The following FBXL7 variants were observed in gnomAD, a reference collection of about 807,000 sequenced individuals.
The protein encoded by FBXL7 is F-box and leucine rich repeat protein 7.
A neutral mutation model predicts 38.3 loss-of-function variants in FBXL7; 12 were observed. The ratio of observed to expected loss-of-function variants is 0.31; its 90% CI spans 0.20 to 0.51. The LOEUF is 0.51. FBXL7 is among the 20% of genes least tolerant of loss of function. The probability of loss-of-function intolerance (pLI) is 0.98; values close to 1 mark genes in which losing one functional copy is unlikely to be tolerated. For synonymous variants in FBXL7, 297 were observed against 300.9 expected, an observed-to-expected ratio of 0.99 and a Z score of 0.13; for missense variants, 567 against 676.4, an observed-to-expected ratio of 0.84 and a Z score of 1.79.
At chr5:15,595,726 A>G (rs181072815) in intron 1 of FBXL7, among the ~76,000 whole-genome samples, 289 of 152,316 alleles carry the variant, frequency 1.9e-3, no homozygotes, top group Non-Finnish European at 3.2e-3. Flanking sequence ...GCAAATGAAT[A>G]GTAGCAAAAA....
At chr5:15,541,480 T>TATATATAA in intron 1 of FBXL7, among the ~76,000 whole-genome samples, 1 of 127,640 alleles carries the variant, frequency 7.8e-6, no homozygotes, top group Non-Finnish European at 1.6e-5. Context: ...TATATATATA[T>TATATATAA]AAAGGTATAG....
chr5:15,557,690 T>C (rs1738288407), intron 1 of FBXL7, among the ~76,000 whole-genome samples: 1 of 152,172 alleles, frequency 6.6e-6, no homozygotes, highest in Non-Finnish European at 1.5e-5. Context: ...CAGAGAGCCT[T>C]GTATTTCAGC....
intron 2 of FBXL7, among the ~76,000 whole-genome samples, chr5:15,794,804 TGTTTGCAACCTAATAATAA>T (rs1737372630): frequency 6.6e-6 from 1 of 152,206 alleles, no homozygotes; most frequent in African/African-American, 2.4e-5. Context: ...AAAAAGCTAT[TGTTTGCAACCTAATAATAA>T]TGTAAGAGGG....
At chr5:15,774,331 G>T (rs970154444) in intron 2 of FBXL7, among the ~76,000 whole-genome samples, 1 of 151,904 alleles carries the variant, frequency 6.6e-6, no homozygotes, top group African/African-American at 2.4e-5. Context: ...CTCTTAACTT[G>T]ATCTACACGT....
chr5:15,767,147 T>TG (rs1231645932), intron 2 of FBXL7, among the ~76,000 whole-genome samples: 1 of 152,212 alleles, frequency 6.6e-6, no homozygotes, highest in African/African-American at 2.4e-5. Flanking sequence ...TTCTTCCTGA[T>TG]GCTCTCCCTT....
intron 2 of FBXL7, among the ~76,000 whole-genome samples, chr5:15,883,724 A>T (rs2126344592): frequency 6.6e-6 from 1 of 152,312 alleles, no homozygotes; most frequent in African/African-American, 2.4e-5. Context: ...AGTGGGTGGT[A>T]GTGGACAAGA....
intron 2 of FBXL7, among the ~76,000 whole-genome samples, chr5:15,922,735 G>A (rs192059342): frequency 3.9e-5 from 6 of 152,146 alleles, no homozygotes; most frequent in African/African-American, 7.2e-5. Context: ...GCATCTCACC[G>A]TCTTGCCTAA....
At chr5:15,826,690 AT>A (rs1291161712) in intron 2 of FBXL7, among the ~76,000 whole-genome samples, 1 of 152,098 alleles carries the variant, frequency 6.6e-6, no homozygotes, top group East Asian at 1.9e-4. Context: ...AAGTGCTGGG[AT>A]TACACGCATG....
In FBXL7 at chr5:15,534,581, G is replaced by A. The variant is rs950969123; in HGVS notation, c.37+33868G>A. On this transcript the variant is annotated intron_variant, in intron 1 of 3. Coordinates refer to ENST00000504595, the MANE Select transcript of FBXL7 (RefSeq NM_012304.5). ...TCATCTACTGAAGGAAATCTTGGTTGCTTCCAAGTATTGGCAATTACGAAT... is the reference window on the plus strand; with the variant it reads ...TCATCTACTGAAGGAAATCTTGGTTACTTCCAAGTATTGGCAATTACGAAT... Among the ~76,000 whole-genome samples, 39 of 152,154 alleles carry A rather than the reference G, an allele frequency of 2.6e-4. 1 individual carries two copies.
chr5:15,863,219 T>C (rs565002693), intron 2 of FBXL7, among the ~76,000 whole-genome samples: 1 of 152,258 alleles, frequency 6.6e-6, no homozygotes, highest in South Asian at 2.1e-4. Context: ...AACCCAAGGA[T>C]GGAAAGCGAG....
intron 2 of FBXL7, among the ~76,000 whole-genome samples, chr5:15,898,300 A>G (rs1741152557): frequency 6.6e-6 from 1 of 152,192 alleles, no homozygotes; most frequent in African/African-American, 2.4e-5. Flanking sequence ...CCTTCTCCCC[A>G]GCCACGTTCA....
At chr5:15,547,544 G>A (rs1195928736) in intron 1 of FBXL7, among the ~76,000 whole-genome samples, 1 of 152,230 alleles carries the variant, frequency 6.6e-6, no homozygotes. Flanking sequence ...GCCAGGAATG[G>A]CAGATGCCTG....
intron 1 of FBXL7, among the ~76,000 whole-genome samples, chr5:15,509,333 A>G (rs1736732001): frequency 1.3e-5 from 2 of 152,222 alleles, no homozygotes; most frequent in East Asian, 1.9e-4. Context: ...CTCTTACTGC[A>G]TTAATCTCTA....
intron 2 of FBXL7, among the ~76,000 whole-genome samples, chr5:15,730,445 T>C (rs916258471): frequency 1.3e-5 from 2 of 152,182 alleles, no homozygotes; most frequent in East Asian, 1.9e-4. Flanking sequence ...CATTCTGTTA[T>C]ATTAAAAAAA....
intron 2 of FBXL7, among the ~76,000 whole-genome samples, chr5:15,694,019 A>T (rs1336173872): frequency 8.3e-6 from 1 of 120,220 alleles, no homozygotes; most frequent in Non-Finnish European, 1.8e-5. Flanking sequence ...GAACTGATTA[A>T]CACAAGCTGC....
intron 1 of FBXL7, among the ~76,000 whole-genome samples, chr5:15,507,680 A>G (rs1018422164): frequency 2.0e-5 from 3 of 152,332 alleles, no homozygotes; most frequent in African/African-American, 7.2e-5. Flanking sequence ...GATGAAGGGA[A>G]TAAATAAAGT....
At chr5:15,600,836 C>CA (rs1029305672) in intron 1 of FBXL7, among the ~76,000 whole-genome samples, 6 of 152,248 alleles carry the variant, frequency 3.9e-5, no homozygotes, top group Admixed American at 3.9e-4. Flanking sequence ...TGAAAACCCT[C>CA]AAAAATCAAT....
At chr5:15,617,437 T>C (rs1258651775) in intron 2 of FBXL7, among the ~76,000 whole-genome samples, 1 of 125,548 alleles carries the variant, frequency 8.0e-6, no homozygotes, top group South Asian at 2.8e-4. Context: ...ATTTATTTAT[T>C]TATTTATTTA....
intron 2 of FBXL7, among the ~76,000 whole-genome samples, chr5:15,741,042 T>C (rs971808324): frequency 6.6e-6 from 1 of 152,182 alleles, no homozygotes; most frequent in African/African-American, 2.4e-5. Flanking sequence ...CACAATATGC[T>C]CAGATAAATA....
Sources: allele counts gnomAD v4.1 joint callset (sites outside exome capture counted in the v4.1 genomes callset), GRCh38; gene constraint gnomAD v4.1.1; transcripts MANE v1.5; gene names NCBI Gene and HGNC (gene_info 2026-07-23, HGNC 2026-07-21).